The following RBFOX1 variants were observed in gnomAD, a reference collection of about 807,000 sequenced individuals.
RBFOX1 encodes the protein RNA binding fox-1 homolog 1.
Under a neutral mutation model 57.7 loss-of-function variants are expected in RBFOX1, and 8 were observed. The observed-to-expected ratio is 0.14, with a 90% CI of 0.08 to 0.25. The LOEUF (loss-of-function observed/expected upper bound fraction) is 0.25. Ranked by LOEUF, RBFOX1 falls within the 10% of genes least tolerant of loss-of-function variation. The probability of loss-of-function intolerance (pLI) is 1.00; values close to 1 mark genes in which losing one functional copy is unlikely to be tolerated. For missense variants in RBFOX1, 611 were observed against 548.5 expected (o/e 1.11, Z -1.14); for synonymous variants, 326 against 222.4 (o/e 1.47, Z -4.15).
chr16:5,514,577 T>C (rs879685413), intron 2 of RBFOX1, among the ~76,000 whole-genome samples: 1 of 152,098 alleles, frequency 6.6e-6, no homozygotes, highest in Non-Finnish European at 1.5e-5. Flanking sequence ...TTGGGGCCAT[T>C]CACACTGTCA....
chr16:6,808,383 G>T (rs751631956), intron 3 of RBFOX1, among the ~76,000 whole-genome samples: 3 of 151,914 alleles, frequency 2.0e-5, no homozygotes, highest in Non-Finnish European at 4.4e-5. Context: ...AATGCCTAAA[G>T]TATTGCTTTC....
intron 4 of RBFOX1, among the ~76,000 whole-genome samples, chr16:7,146,932 G>C (rs567542092): frequency 7.1e-6 from 1 of 140,632 alleles, no homozygotes; most frequent in African/African-American, 2.7e-5. Flanking sequence ...CTGGGTGACA[G>C]AGTGATACCC....
rs114225266 is a variant in RBFOX1, at chr16:6,789,387, G to T, written c.-16+134737G>T. Among the ~76,000 whole-genome samples the T allele has an allele frequency of 5.3e-3, 801 of 152,226 alleles. 10 individuals carry two copies. The highest frequency in any genetic ancestry group is 0.018 in the African/African-American group (761 of 41,534). On this transcript the variant is annotated intron_variant, in intron 3 of 15. Transcript: ENST00000550418. The stretch of plus-strand genomic sequence containing the variant: ...AATGTTACAATGTTAAGGGGTCCTA[G>T]GTGTTAATATCAATTTTATAATTTT...
exon 3 of RBFOX1, chr16:5,599,211 C>T (rs758816926): frequency 7.9e-5 from 55 of 699,762 alleles, no homozygotes; most frequent in Admixed American, 1.0e-4. Context: ...AAAGACCAGG[C>T]CCACTTGGTG....
intron 1 of RBFOX1, among the ~76,000 whole-genome samples, chr16:6,260,187 G>T (rs1033401595): frequency 6.6e-6 from 1 of 152,102 alleles, no homozygotes; most frequent in African/African-American, 2.4e-5. Flanking sequence ...AAATAATTCT[G>T]TACTTTACAT....
intron 12 of RBFOX1, among the ~76,000 whole-genome samples, chr16:7,660,299 A>C (rs767250489): frequency 3.3e-5 from 5 of 152,220 alleles, no homozygotes; most frequent in African/African-American, 4.8e-5. Flanking sequence ...TGTGATTGAC[A>C]AACAATACAA....
chr16:5,690,719 A>T (rs1301245610), intron 3 of RBFOX1, among the ~76,000 whole-genome samples: 1 of 152,182 alleles, frequency 6.6e-6, no homozygotes, highest in Non-Finnish European at 1.5e-5. Context: ...ACAGAAAGGA[A>T]ACTGACGTTG....
At chr16:6,859,121 ATATATATACATATATATACG>A (rs1183929073) in intron 3 of RBFOX1, among the ~76,000 whole-genome samples, 2 of 64,574 alleles carry the variant, frequency 3.1e-5, no homozygotes, top group African/African-American at 1.9e-4. Context: ...GTATATATAT[ATATATATACATATATATACG>A]TATATATATA....
chr16:6,039,235 A>G (rs879737397), intron 1 of RBFOX1, among the ~76,000 whole-genome samples: 3 of 150,458 alleles, frequency 2.0e-5, no homozygotes, highest in Non-Finnish European at 4.4e-5. Context: ...GCAGGACAAG[A>G]GGTGTCAATG....
chr16:6,892,855 C>A (rs563591769), intron 3 of RBFOX1, among the ~76,000 whole-genome samples: 2 of 148,090 alleles, frequency 1.4e-5, no homozygotes, highest in Non-Finnish European at 3.0e-5. Context: ...TCTGTGCCCC[C>A]CTCCCCTGTC....
chr16:5,708,577 C>G (rs1049374520), intron 3 of RBFOX1, among the ~76,000 whole-genome samples: 5 of 152,124 alleles, frequency 3.3e-5, no homozygotes, highest in Admixed American at 2.6e-4. Context: ...GCAGCTGACC[C>G]CCACCACCTC....
chr16:7,392,994 C>T (rs1387998920), intron 4 of RBFOX1, among the ~76,000 whole-genome samples: 2 of 152,152 alleles, frequency 1.3e-5, no homozygotes, highest in Non-Finnish European at 2.9e-5. Context: ...CTGCTTCAGC[C>T]TCCCGTATAG....
intron 1 of RBFOX1, among the ~76,000 whole-genome samples, chr16:5,453,055 G>C (rs1483937413): frequency 6.6e-6 from 1 of 152,064 alleles, no homozygotes; most frequent in African/African-American, 2.4e-5. Flanking sequence ...CTCTTACTTT[G>C]TCCCTTGCAA....
intron 13 of RBFOX1, among the ~76,000 whole-genome samples, chr16:7,673,646 C>A (rs2072323399): frequency 6.6e-6 from 1 of 152,200 alleles, no homozygotes; most frequent in Non-Finnish European, 1.5e-5. Context: ...AAGGAAACTT[C>A]TCAGTCCACA....
chr16:5,378,840 T>A (rs1367217056), intron 1 of RBFOX1, among the ~76,000 whole-genome samples: 1 of 151,576 alleles, frequency 6.6e-6, no homozygotes, highest in Non-Finnish European at 1.5e-5. Flanking sequence ...TAGAAAATGT[T>A]TGCACAATAA....
intron 3 of RBFOX1, among the ~76,000 whole-genome samples, chr16:5,636,327 G>A (rs536425921): frequency 2.0e-5 from 3 of 152,234 alleles, no homozygotes; most frequent in East Asian, 3.9e-4. Flanking sequence ...TAGCCTGGGC[G>A]ACAAGAGTGA....
At chr16:6,308,989 T>A (rs142397484) in intron 1 of RBFOX1, among the ~76,000 whole-genome samples, 2 of 152,058 alleles carry the variant, frequency 1.3e-5, no homozygotes, top group South Asian at 4.1e-4. Context: ...CTTGATGATA[T>A]TTCCCAGCTG....
intron 1 of RBFOX1, among the ~76,000 whole-genome samples, chr16:5,319,990 A>C (rs1405717548): frequency 6.6e-6 from 1 of 152,226 alleles, no homozygotes; most frequent in Non-Finnish European, 1.5e-5. Context: ...GGGTGCAGTC[A>C]CATGGCCTGA....
chr16:5,842,972 G>A (rs1397817298), intron 3 of RBFOX1, among the ~76,000 whole-genome samples: 1 of 152,014 alleles, frequency 6.6e-6, no homozygotes, highest in Non-Finnish European at 1.5e-5. Flanking sequence ...GCATGTGCTA[G>A]CATGTCTGGC....
Sources: allele counts gnomAD v4.1 joint callset (sites outside exome capture counted in the v4.1 genomes callset), GRCh38; gene constraint gnomAD v4.1.1; transcripts MANE v1.5; gene names NCBI Gene and HGNC (gene_info 2026-07-23, HGNC 2026-07-21).